The following PCDHA10 variants were observed in gnomAD, a reference collection of about 807,000 sequenced individuals.
PCDHA10 encodes the protein protocadherin alpha-10.
In PCDHA10, 45 loss-of-function variants were observed where a neutral mutation model predicts 61.2. The observed-to-expected ratio is 0.74, with a 90% CI of 0.58 to 0.94. The LOEUF is 0.94. Ranked by LOEUF, PCDHA10 falls within the 40% of genes least tolerant of loss-of-function variation. The pLI, the probability that PCDHA10 is intolerant of heterozygous loss-of-function variation, is 0.00. For synonymous variants in PCDHA10, 602 were observed against 548.8 expected (o/e 1.10, Z -1.35); for missense variants, 1,278 against 1,236.2 (o/e 1.03, Z -0.51).
At chr5:140,994,451 C>T (rs782287082) in intron 3 of PCDHA10, among the ~76,000 whole-genome samples, 14 of 152,116 alleles carry the variant, frequency 9.2e-5, no homozygotes, top group Non-Finnish European at 1.6e-4. Flanking sequence ...ACCTGTGATC[C>T]CAGCACTTTG....
At position 140,858,127 on chromosome 5, in the gene PCDHA10, T is replaced by C. The variant is rs782220285; in HGVS notation, c.2079T>C (p.Asp693=). 41 of 1,597,502 alleles carry C rather than the reference T, an allele frequency of 2.6e-5. 1 individual carries two copies. The highest frequency in any genetic ancestry group is 1.7e-4 in the Admixed American group (10 of 59,294). ...TGGCGCCCGAGGTGGCCCTGGTGGATGTCAACGTGTACCTGATCATCGCCA... is the reference window on the plus strand; with the variant it reads ...TGGCGCCCGAGGTGGCCCTGGTGGACGTCAACGTGTACCTGATCATCGCCA... ...VGVAPEVALV[D]VNVYLIIAIC... Residue 693 remains aspartate (D), a synonymous_variant, in exon 1 of 4, where the codon GAT becomes GAC. Coordinates refer to ENST00000307360, the MANE Select transcript of PCDHA10 (RefSeq NM_018901.4).
At chr5:140,926,972 C>A (rs782504064) in intron 1 of PCDHA10, 2 of 1,609,464 alleles carry the variant, frequency 1.2e-6, no homozygotes. Flanking sequence ...TACTCAGTGC[C>A]GGAGGAGACG....
chr5:140,884,198 C>G, intron 1 of PCDHA10: 1 of 1,613,442 alleles, frequency 6.2e-7, no homozygotes, highest in Non-Finnish European at 8.5e-7. Flanking sequence ...GGACGCGCCG[C>G]ACCACCGCCT....
intron 1 of PCDHA10, among the ~76,000 whole-genome samples, chr5:140,949,698 T>G (rs188313112): frequency 6.6e-6 from 1 of 151,984 alleles, no homozygotes; most frequent in African/African-American, 2.4e-5. Flanking sequence ...TTGTTGGATC[T>G]TGCTGTTTTA....
intron 1 of PCDHA10, chr5:140,869,211 G>A (rs375218342): frequency 1.2e-6 from 2 of 1,613,956 alleles, no homozygotes; most frequent in Admixed American, 1.7e-5. Flanking sequence ...ACTCCGTCTC[G>A]GAGGAGGCCA....
At chr5:140,965,113 G>C (rs1343720863) in intron 1 of PCDHA10, among the ~76,000 whole-genome samples, 1 of 152,218 alleles carries the variant, frequency 6.6e-6, no homozygotes, top group Non-Finnish European at 1.5e-5. Context: ...ATGACCCATA[G>C]AGGAAGATCT....
chr5:140,893,312 A>C (rs2063923388), intron 1 of PCDHA10, among the ~76,000 whole-genome samples: 1 of 152,106 alleles, frequency 6.6e-6, no homozygotes, highest in Non-Finnish European at 1.5e-5. Context: ...TAGTTTTTTG[A>C]GGGACTCCCA....
intron 1 of PCDHA10, among the ~76,000 whole-genome samples, chr5:140,912,045 C>T (rs1276989293): frequency 2.0e-5 from 3 of 152,196 alleles, no homozygotes; most frequent in African/African-American, 4.8e-5. Flanking sequence ...AGTCCCAAAG[C>T]TGAAGAACTT....
Position 140,858,297 on chromosome 5 carries a change from A to T in PCDHA10, c.2249A>T (p.Gln750Leu). The T allele has an allele frequency of 1.3e-6, 2 of 1,597,406 alleles. No homozygotes were observed. The highest frequency in any genetic ancestry group is 1.7e-6 in the Non-Finnish European group (2 of 1,167,228). ...GCGGTGGGGAGCTGGTCTTACTCGCAGCAGAGGCGGCAGAGGGTGTGTTCT... is the reference window on the plus strand; with the variant it reads ...GCGGTGGGGAGCTGGTCTTACTCGCTGCAGAGGCGGCAGAGGGTGTGTTCT... Reference protein sequence around the residue: ...SSAVGSWSYSQQRRQRVCSGE... With the variant: ...SSAVGSWSYSLQRRQRVCSGE... Residue 750 changes from glutamine (Q) to leucine (L), a missense_variant, in exon 1 of 4, where the codon CAG becomes CTG. Gln to Leu is a moderately radical substitution (Grantham distance 113). Transcript: ENST00000307360.
chr5:140,946,277 A>G (rs1055326524), intron 1 of PCDHA10, among the ~76,000 whole-genome samples: 5 of 152,186 alleles, frequency 3.3e-5, no homozygotes, highest in Admixed American at 1.3e-4. Context: ...TAAAACCCCA[A>G]TGAGATATCA....
intron 1 of PCDHA10, among the ~76,000 whole-genome samples, chr5:140,899,167 T>C (rs1314014582): frequency 3.3e-5 from 5 of 152,124 alleles, no homozygotes; most frequent in Admixed American, 6.5e-5. Context: ...CTTTTCCTAA[T>C]TGAATACCCT....
chr5:140,884,467 G>A (rs199814121), intron 1 of PCDHA10: 6 of 1,613,778 alleles, frequency 3.7e-6, no homozygotes, highest in Non-Finnish European at 5.1e-6. Context: ...GCGCGTGCGC[G>A]CCGGGCAAGC....
chr5:140,876,898 A>G (rs2056678585), intron 1 of PCDHA10: 38 of 1,614,056 alleles, frequency 2.4e-5, no homozygotes, highest in Non-Finnish European at 3.1e-5. Flanking sequence ...CCACATCTTC[A>G]CGGTGTCGGC....
chr5:140,957,416 A>T (rs1456143168), intron 1 of PCDHA10, among the ~76,000 whole-genome samples: 2 of 152,144 alleles, frequency 1.3e-5, no homozygotes, highest in East Asian at 1.9e-4. Flanking sequence ...TATTGTTGTT[A>T]ATCTTTTACT....
rs575152424 is a variant in PCDHA10 at position 140,895,872 on chromosome 5, C to T, written c.2388+37436C>T. Among the ~76,000 whole-genome samples, 3 of 152,222 alleles carry T rather than the reference C, an allele frequency of 2.0e-5. No homozygotes were observed. The South Asian group carries it at 6.2e-4, about 32-fold the overall frequency. ...TGTACCCCAGGCTGGAGTGCAATGG[C>T]GCGATCTCGGCTCACTGCAACCTCC... On this transcript the variant is annotated intron_variant, in intron 1 of 3. Transcript: ENST00000307360.
intron 1 of PCDHA10, chr5:140,926,588 C>A: frequency 3.4e-6 from 1 of 293,528 alleles, no homozygotes; most frequent in Admixed American, 5.0e-5. Context: ...CTCTCGCGCC[C>A]GGGCGGGCGG....
At chr5:140,877,533 G>A (rs1554169813) in intron 1 of PCDHA10, 2 of 1,613,790 alleles carry the variant, frequency 1.2e-6, no homozygotes, top group South Asian at 2.2e-5. Context: ...TGGGCGCTGT[G>A]GATCCCGAAG....
intron 1 of PCDHA10, among the ~76,000 whole-genome samples, chr5:140,890,167 A>G (rs1423577741): frequency 6.6e-6 from 1 of 152,174 alleles, no homozygotes; most frequent in East Asian, 1.9e-4. Context: ...CTGCCACAGA[A>G]ATAGGCAAAT....
At position 140,969,226 on chromosome 5, in the gene PCDHA10, G is replaced by A. The variant is rs145631723; in HGVS notation, c.2389-9723G>A. 3.9e-4 allele frequency: 622 copies of A among 1,614,150 alleles called. 3 individuals are homozygous for A. The African/African-American group carries it at 5.9e-3, about 15-fold the overall frequency. On this transcript the variant is annotated intron_variant, in intron 1 of 3. Transcript: ENST00000307360. Reference sequence around the variant, plus strand: ...GGGCCCAGACAGGACCAGGGCCTTCGGGAGCCCAAGCAGCAGTGACTGACA... The same window carrying A: ...GGGCCCAGACAGGACCAGGGCCTTCAGGAGCCCAAGCAGCAGTGACTGACA...
Sources: gnomAD v4.1 joint callset for allele counts (sites outside exome capture counted in the v4.1 genomes callset) on GRCh38, gnomAD v4.1.1 for gene constraint, MANE v1.5 for transcripts, NCBI Gene and HGNC (gene_info 2026-07-23, HGNC 2026-07-21) for gene names.